MSR1: variants seen among roughly 807,000 people sequenced by gnomAD.
MSR1 encodes the protein macrophage scavenger receptor 1.
In MSR1, 53 loss-of-function variants were observed where a neutral mutation model predicts 47.2. The observed-to-expected ratio is 1.12, with a 90% CI of 0.90 to 1.41. The LOEUF (loss-of-function observed/expected upper bound fraction) is 1.41. Ranked by LOEUF, MSR1 falls within the 40% of genes most tolerant of loss-of-function variation. MSR1 has a pLI of 0.00. For synonymous variants in MSR1, 239 were observed against 185.6 expected, an observed-to-expected ratio of 1.29 and a Z score of -2.34; for missense variants, 786 against 546.9, an observed-to-expected ratio of 1.44 and a Z score of -4.36.
chr8:16,120,565 G>T lies in MSR1; in HGVS notation c.1075C>A (p.His359Asn). ...KVRLVGGSGP[H>N]EGRVEILHSG... The stretch of plus-strand genomic sequence containing the variant: ...TGGAGTATCTCCACCCTCCCCTCGT[G>T]AGGGCCGCTCCCACCGACCAGTCGA... The change falls in exon 9 of 10, where the codon CAC becomes AAC. Residue 359 changes from histidine (H) to asparagine (N), a missense_variant. His to Asn is a moderately conservative substitution (Grantham distance 68). Transcript: ENST00000262101. 6.2e-7 allele frequency: 1 copy of T among 1,606,660 alleles called. No individual in the cohort carries two copies. The highest frequency in any genetic ancestry group is 8.5e-7 in the Non-Finnish European group (1 of 1,178,820).
chr8:16,188,716 G>A (rs116878153), intron 1 of MSR1, among the ~76,000 whole-genome samples: 62 of 151,848 alleles, frequency 4.1e-4, no homozygotes, highest in African/African-American at 1.2e-3. Context: ...CTGTGTCCAC[G>A]TGCTCTCACT....
At chr8:16,189,351 T>TTATATTTCATATATATATAAAATC (rs1802101350) in intron 1 of MSR1, among the ~76,000 whole-genome samples, 2 of 107,874 alleles carry the variant, frequency 1.9e-5, no homozygotes, top group Admixed American at 1.2e-4. Flanking sequence ...AAAATCTTAT[T>TTATATTTCATATATATATAAAATC]TTATATATTT....
intron 3 of MSR1, among the ~76,000 whole-genome samples, chr8:16,173,608 T>C (rs956481698): frequency 6.6e-6 from 1 of 152,186 alleles, no homozygotes; most frequent in Non-Finnish European, 1.5e-5. Flanking sequence ...AAGAAGTTAA[T>C]TGTTACCTCT....
chr8:16,155,859 C>T (rs1460040342), intron 5 of MSR1, among the ~76,000 whole-genome samples: 1 of 151,872 alleles, frequency 6.6e-6, no homozygotes, highest in Non-Finnish European at 1.5e-5. Flanking sequence ...GCTATAAATA[C>T]TGTAAACAAA....
chr8:16,178,376 T>C (rs920114579), intron 1 of MSR1, among the ~76,000 whole-genome samples: 3 of 151,988 alleles, frequency 2.0e-5, no homozygotes, highest in African/African-American at 4.8e-5. Context: ...GTCCTTGCGA[T>C]AGTTTGCTGA....
chr8:16,187,961 C>T (rs536214900), intron 1 of MSR1, among the ~76,000 whole-genome samples: 2 of 152,194 alleles, frequency 1.3e-5, no homozygotes, highest in East Asian at 1.9e-4. Context: ...CTTGCATGAG[C>T]CTTCATTAGC....
At chr8:16,139,893 A>C (rs1362364555) in intron 8 of MSR1, 1 of 430,660 alleles carries the variant, frequency 2.3e-6, no homozygotes, top group African/African-American at 2.3e-5. Flanking sequence ...TATTCTAAGG[A>C]ATTAAAATTT....
intron 8 of MSR1, among the ~76,000 whole-genome samples, chr8:16,142,435 T>C (rs1343044511): frequency 6.6e-6 from 1 of 152,110 alleles, no homozygotes; most frequent in Non-Finnish European, 1.5e-5. Context: ...GACAGATTAA[T>C]GTTTCTATTG....
rs1371483368 is a variant in MSR1 at position 16,155,075 on chromosome 8, G to A, written c.887C>T (p.Pro296Leu). The A allele has an allele frequency of 2.5e-6, 4 of 1,611,446 alleles. No individual in the cohort carries two copies. In the African/African-American group the frequency reaches 4.0e-5, roughly 16 times the overall value. ...PTGESGPRGF[P>L]GPIGPPGLKG... ...TAAAATTACCATACCTATTGGACCT[G>A]GAAATCCTCGTGGACCACTTTCTCC... is the stretch of plus-strand genomic sequence containing the variant. Residue 296 changes from proline (P) to leucine (L), a missense_variant, in exon 6 of 10, where the codon CCA becomes CTA. By Grantham distance (98) the Pro-to-Leu change is moderately conservative. Transcript: ENST00000262101.
At chr8:16,115,241 C>T (rs1320828884) in intron 9 of MSR1, among the ~76,000 whole-genome samples, 1 of 152,154 alleles carries the variant, frequency 6.6e-6, no homozygotes, top group East Asian at 1.9e-4. Context: ...TGATATGAAC[C>T]TGATTCTTCT....
rs1370582945 is a variant in MSR1, at chr8:16,177,973, G to T, written c.16C>A (p.His6Asn). 6.2e-7 allele frequency: 1 copy of T among 1,613,448 alleles called. No homozygotes were observed. The highest frequency in any genetic ancestry group is 8.5e-7 in the Non-Finnish European group (1 of 1,179,676). Residue 6 changes from histidine to asparagine, a missense_variant, in exon 2 of 10, where the codon CAC becomes AAC. By Grantham distance (68) the His-to-Asn change is moderately conservative. Transcript: ENST00000262101. ...GTGTCCTCCTGTTGATTGTGAAAGT[G>T]ATCCCACTGCTCCATACTTCTATGA... The part of the protein sequence containing the change: MEQWD[H>N]FHNQQEDTDS...
chr8:16,142,738 C>A (rs1248851999), intron 8 of MSR1, among the ~76,000 whole-genome samples: 5 of 152,094 alleles, frequency 3.3e-5, no homozygotes, highest in East Asian at 1.9e-4. Flanking sequence ...CTAAAACAGA[C>A]CCCTGATGAT....
intron 5 of MSR1, among the ~76,000 whole-genome samples, chr8:16,159,746 C>T (rs991804989): frequency 6.6e-6 from 1 of 151,908 alleles, no homozygotes; most frequent in Non-Finnish European, 1.5e-5. Flanking sequence ...ATAACTATCA[C>T]ATTAAGTATT....
At chr8:16,144,075 C>G (rs1800632909) in intron 7 of MSR1, among the ~76,000 whole-genome samples, 1 of 152,028 alleles carries the variant, frequency 6.6e-6, no homozygotes, top group South Asian at 2.1e-4. Flanking sequence ...TGTTGAGATT[C>G]TTACTCATGG....
At chr8:16,161,033 A>AT (rs201538682) in intron 5 of MSR1, among the ~76,000 whole-genome samples, 11,592 of 130,786 alleles carry the variant, frequency 0.089, 564 homozygotes, top group African/African-American at 0.12. Flanking sequence ...CTTAAATAGC[A>AT]TTTTTTTTTT....
At chr8:16,172,539 G>T (rs1163282907) in intron 3 of MSR1, among the ~76,000 whole-genome samples, 2 of 152,012 alleles carry the variant, frequency 1.3e-5, no homozygotes, top group African/African-American at 2.4e-5. Context: ...GAATTTTATG[G>T]TCTGTGCAAC....
At chr8:16,148,984 C>T (rs925182815) in intron 7 of MSR1, among the ~76,000 whole-genome samples, 2 of 152,064 alleles carry the variant, frequency 1.3e-5, no homozygotes, top group African/African-American at 4.8e-5. Context: ...AAAGGCAAAA[C>T]TATGGAGTCA....
chr8:16,126,457 T>C (rs920682573), intron 8 of MSR1, among the ~76,000 whole-genome samples: 2 of 152,098 alleles, frequency 1.3e-5, no homozygotes, highest in African/African-American at 4.8e-5. Flanking sequence ...GCAAACATAA[T>C]ACAGAAATTA....
intron 9 of MSR1, among the ~76,000 whole-genome samples, chr8:16,115,396 G>C (rs1799855087): frequency 6.6e-6 from 1 of 152,026 alleles, no homozygotes; most frequent in South Asian, 2.1e-4. Context: ...GAGTGAAACT[G>C]TGAATTTAAG....
Sources: gnomAD v4.1 joint callset for allele counts (sites outside exome capture counted in the v4.1 genomes callset) on GRCh38, gnomAD v4.1.1 for gene constraint, MANE v1.5 for transcripts, NCBI Gene and HGNC (gene_info 2026-07-23, HGNC 2026-07-21) for gene names.